Variants in POU2F2 observed in about 807,000 individuals in gnomAD.
The protein encoded by POU2F2 is POU class 2 homeobox 2.
Under a neutral mutation model 63.5 loss-of-function variants are expected in POU2F2, and 14 were observed. That is an observed-to-expected ratio of 0.22 (90% CI 0.15 to 0.34). POU2F2 has a LOEUF of 0.34. Among genes scored for constraint, POU2F2 ranks in the 10% least tolerant of loss-of-function variants. The probability of loss-of-function intolerance (pLI) is 1.00; values close to 1 mark genes in which losing one functional copy is unlikely to be tolerated. For synonymous variants in POU2F2, 306 were observed against 348.6 expected, an observed-to-expected ratio of 0.88 and a Z score of 1.36; for missense variants, 607 against 815.2, an observed-to-expected ratio of 0.74 and a Z score of 3.11.
intron 1 of POU2F2, 105 bp from the exon 2 acceptor site, chr19:42,122,681 C>T (rs2032787552): frequency 9.2e-7 from 1 of 1,084,710 alleles, no homozygotes; most frequent in Non-Finnish European, 1.3e-6. Flanking sequence ...CAAATTCCCC[C>T]CTTACCCCCA....
At chr19:42,174,727 A>T (rs1404763349) in intron 1 of POU2F2, among the ~76,000 whole-genome samples, 1 of 151,236 alleles carries the variant, frequency 6.6e-6, no homozygotes, top group Admixed American at 6.6e-5. Flanking sequence ...CTGACTCTGT[A>T]CCCACCAGCC....
At chr19:42,196,332 G>C (rs2035144970) in intron 1 of POU2F2, 1 of 152,252 alleles carries the variant, frequency 6.6e-6, no homozygotes, top group Non-Finnish European at 1.5e-5. Flanking sequence ...AAAACATGGG[G>C]ACAATGGCTG....
chr19:42,097,283 T>C (rs1341809053), intron 7 of POU2F2, among the ~76,000 whole-genome samples: 1 of 150,558 alleles, frequency 6.6e-6, no homozygotes, highest in Non-Finnish European at 1.5e-5. Context: ...CCATAACCTC[T>C]GCCTCCTGGG....
chr19:42,130,125 A>G (rs1038168984), intron 1 of POU2F2, among the ~76,000 whole-genome samples: 6 of 152,078 alleles, frequency 3.9e-5, no homozygotes, highest in Non-Finnish European at 8.8e-5. Flanking sequence ...AAAAGTATAC[A>G]AACTCACACA....
At chr19:42,098,245 T>C (rs2146348363) in intron 7 of POU2F2, among the ~76,000 whole-genome samples, 1 of 152,154 alleles carries the variant, frequency 6.6e-6, no homozygotes, top group South Asian at 2.1e-4. Context: ...AAACCCCATC[T>C]CTATTAAAAA....
At chr19:42,188,009 G>C (rs1394432338) in intron 1 of POU2F2, among the ~76,000 whole-genome samples, 8 of 151,942 alleles carry the variant, frequency 5.3e-5, no homozygotes, top group Non-Finnish European at 1.0e-4. Context: ...TTTCAAAAGT[G>C]ACTCACTTCT....
At chr19:42,106,737 C>T (rs2030084179) in intron 5 of POU2F2, among the ~76,000 whole-genome samples, 1 of 140,564 alleles carries the variant, frequency 7.1e-6, no homozygotes, top group African/African-American at 2.7e-5. Context: ...TGGCAAGACC[C>T]TGTCTCTACA....
intron 1 of POU2F2, among the ~76,000 whole-genome samples, chr19:42,189,588 G>A (rs535902179): frequency 1.3e-5 from 2 of 152,156 alleles, no homozygotes; most frequent in East Asian, 1.9e-4. Flanking sequence ...AGCAAGAGTC[G>A]GTCTCTGTTG....
At chr19:42,190,142 G>T (rs1305531283) in intron 1 of POU2F2, among the ~76,000 whole-genome samples, 1 of 152,152 alleles carries the variant, frequency 6.6e-6, no homozygotes, top group Non-Finnish European at 1.5e-5. Context: ...GAAAGATGGA[G>T]TAAGAGTCAT....
chr19:42,155,420 A>G lies in POU2F2; in HGVS notation c.-9+4912T>C, dbSNP rs1168942866. ...CTCTCCCTCCACTCCCATCTGGTGT[A>G]TTCTGGATTCCCCTTTCTTAGACAA... On this transcript the variant is annotated intron_variant, in intron 2 of 6. Transcript: ENST00000524801. The surrounding 1 kb of genome is among the most constrained non-coding windows in gnomAD (Gnocchi z 4.2). Among the ~76,000 whole-genome samples, 2 of 152,028 alleles carry G rather than the reference A, an allele frequency of 1.3e-5. No homozygotes were observed. Among genetic ancestry groups the G allele is most frequent in the East Asian group, 3.9e-4 (2 of 5,190 alleles).
At position 42,095,960 on chromosome 19, in the gene POU2F2, G is replaced by A. The variant is rs187929626; in HGVS notation, c.730-31C>T. 2.3e-4 allele frequency: 370 copies of A among 1,608,150 alleles called. 1 individual carries two copies. In the African/African-American group the frequency reaches 4.5e-3, roughly 19 times the overall value. ...CCAGTGGGGCGGGGAAGGGCCCGAA[G>A]TCAGGGTGGGGCCTTCCGGCACTGG... is the stretch of plus-strand genomic sequence containing the variant. On this transcript the variant is annotated intron_variant, in intron 8 of 14. Transcript: ENST00000692977. This position sits in a 1 kb window ranked among gnomAD's most constrained non-coding sequence, Gnocchi z 7.1.
chr19:42,135,759 G>A (rs1323599833), upstream of POU2F2, among the ~76,000 whole-genome samples: 2 of 150,028 alleles, frequency 1.3e-5, no homozygotes, highest in African/African-American at 2.5e-5. Context: ...TCAGGCTGGA[G>A]TGCAATGGCA....
chr19:42,176,544 C>T (rs1409661980), upstream of POU2F2, among the ~76,000 whole-genome samples: 2 of 152,072 alleles, frequency 1.3e-5, no homozygotes, highest in East Asian at 3.9e-4. Context: ...CTGCCCTCTC[C>T]TCTCTCTACT....
intron 1 of POU2F2, among the ~76,000 whole-genome samples, chr19:42,192,657 T>C (rs2035086685): frequency 6.6e-6 from 1 of 152,176 alleles, no homozygotes. Flanking sequence ...TGCTATTCCA[T>C]CTACCTGGAA....
chr19:42,142,979 G>A (rs2034159680), intron 2 of POU2F2, among the ~76,000 whole-genome samples: 1 of 152,212 alleles, frequency 6.6e-6, no homozygotes, highest in Admixed American at 6.5e-5. Flanking sequence ...AGAGGAAGGA[G>A]TATGTTTGGA....
chr19:42,154,529 A>C (rs528520982), intron 2 of POU2F2, among the ~76,000 whole-genome samples: 1 of 152,230 alleles, frequency 6.6e-6, no homozygotes, highest in African/African-American at 2.4e-5. Flanking sequence ...GGAGCCACAC[A>C]GAGAGAAGAC....
intron 1 of POU2F2, among the ~76,000 whole-genome samples, chr19:42,163,996 T>G (rs1359838689): frequency 2.0e-5 from 3 of 152,264 alleles, no homozygotes; most frequent in South Asian, 4.1e-4. Flanking sequence ...TATAAACAAG[T>G]ATGTAGCATA....
chr19:42,150,345 G>A (rs1377619350), intron 2 of POU2F2, among the ~76,000 whole-genome samples: 3 of 148,110 alleles, frequency 2.0e-5, no homozygotes, highest in Non-Finnish European at 4.5e-5. Context: ...GGCTGACATG[G>A]ATGAGGAGGA....
intron 7 of POU2F2, among the ~76,000 whole-genome samples, chr19:42,097,495 C>CT (rs565786464): frequency 0.038 from 5,189 of 136,280 alleles, 115 homozygotes; most frequent in African/African-American, 0.047. Flanking sequence ...TGCGCCCTGC[C>CT]TTTTTTTTTT....
Sources: allele counts gnomAD v4.1 joint callset (sites outside exome capture counted in the v4.1 genomes callset), GRCh38; gene constraint gnomAD v4.1.1; non-coding constraint Gnocchi (gnomAD v3.1); transcripts MANE v1.5; gene names NCBI Gene and HGNC (gene_info 2026-07-23, HGNC 2026-07-21).